Variants in HEMK1 observed in about 807,000 individuals in gnomAD.
The protein encoded by HEMK1 is MTRF1L release factor glutamine methyltransferase.
A neutral mutation model predicts 47.9 loss-of-function variants in HEMK1; 36 were observed. The ratio of observed to expected loss-of-function variants is 0.75; its 90% CI spans 0.58 to 0.99. The LOEUF is 0.99. HEMK1 is among the 50% of genes least tolerant of loss of function. The pLI is 0.00. For missense variants in HEMK1, 383 were observed against 434.5 expected (o/e 0.88, Z 1.05); for synonymous variants, 153 against 165.4 (o/e 0.93, Z 0.57).
At position 50,578,818 on chromosome 3, in the gene HEMK1, C is replaced by T; in HGVS notation, c.665-3C>T. On this transcript the variant is annotated splice_polypyrimidine_tract_variant and splice_region_variant and intron_variant, in intron 7 of 10. Coordinates refer to ENST00000232854, the MANE Select transcript of HEMK1 (RefSeq NM_016173.5). ...TACTGTGTGTCCTCTTCTTTGACGA[C>T]AGAAAGGAGCTGGACACACCTGCCC... The T allele has an allele frequency of 6.2e-7, 1 of 1,607,584 alleles. No individual in the cohort carries two copies. Among genetic ancestry groups the T allele is most frequent in the Non-Finnish European group, 8.5e-7 (1 of 1,175,192 alleles).
At chr3:50,576,463 G>A (rs927729487) in intron 4 of HEMK1, among the ~76,000 whole-genome samples, 1 of 152,186 alleles carries the variant, frequency 6.6e-6, no homozygotes, top group Admixed American at 6.5e-5. Context: ...GCAGTGGCGC[G>A]ATCCTGATCC....
rs1474707396 is a variant in HEMK1, at chr3:50,595,051, A to G, written c.*14634A>G. 6.6e-6 allele frequency: 1 copy of G among 152,008 alleles called. No homozygotes were observed. Among genetic ancestry groups the G allele is most frequent in the Non-Finnish European group, 1.5e-5 (1 of 68,032 alleles). 9.4% of individuals were successfully genotyped at this position (152,008 alleles called of 1,614,324 possible). A position where few individuals can be genotyped will look rare whatever the true frequency, so the allele number is the denominator to read the frequency against. ...AGTACTGGGACTACAGGTGCGCACC[A>G]CCACACCCAGCTATTTTGTATTTTT... On this transcript the variant is annotated 3_prime_UTR_variant, in exon 11 of 11. Coordinates refer to ENST00000232854, the MANE Select transcript of HEMK1 (RefSeq NM_016173.5).
intron 7 of HEMK1, 66 bp downstream of exon 7, chr3:50,577,941 C>A: frequency 6.9e-7 from 1 of 1,452,258 alleles, no homozygotes; most frequent in African/African-American, 1.4e-5. Flanking sequence ...GTGGATGAGG[C>A]ACTCCGTGGA....
intron 3 of HEMK1, 134 bp from the exon 4 acceptor site, chr3:50,571,981 T>C: frequency 2.1e-6 from 3 of 1,457,756 alleles, no homozygotes; most frequent in Non-Finnish European, 2.8e-6. Flanking sequence ...GGGAGGGTTT[T>C]GCCTCAGGAG....
intron 4 of HEMK1, 138 bp downstream of exon 4, chr3:50,572,346 TCTGA>T (rs1559454472): frequency 1.2e-6 from 1 of 845,352 alleles, no homozygotes; most frequent in Non-Finnish European, 1.8e-6. Flanking sequence ...GTATTTCCTC[TCTGA>T]CTGTGTTGGC....
chr3:50,588,413 G>A lies in HEMK1; in HGVS notation c.*7996G>A, dbSNP rs529287978. The A allele has an allele frequency of 2.0e-5, 3 of 152,234 alleles. No individual in the cohort carries two copies. The highest frequency in any genetic ancestry group is 2.0e-4 in the Admixed American group (3 of 15,288). The allele number at this position is 152,234 out of a possible 1,614,324, so 9.4% of individuals were successfully genotyped here. A position where few individuals can be genotyped will look rare whatever the true frequency, so the allele number is the denominator to read the frequency against. Reference sequence around the variant, plus strand: ...TCAGGAGAGGCGTGAGCAGGCTGCCGAGGCCAAATGCAGCCCAGGGCCTCA... The same window carrying A: ...TCAGGAGAGGCGTGAGCAGGCTGCCAAGGCCAAATGCAGCCCAGGGCCTCA... On this transcript the variant is annotated 3_prime_UTR_variant, in exon 11 of 11. Transcript: ENST00000232854.
intron 4 of HEMK1, among the ~76,000 whole-genome samples, chr3:50,575,149 G>A (rs1051481539): frequency 7.2e-5 from 11 of 152,136 alleles, no homozygotes; most frequent in Admixed American, 2.0e-4. Context: ...AGGGCCAGGC[G>A]CTGTGGCTTA....
In HEMK1 at chr3:50,589,559, A is replaced by G. The variant is rs1320286055; in HGVS notation, c.*9142A>G. On this transcript the variant is annotated 3_prime_UTR_variant, in exon 11 of 11. Transcript: ENST00000232854. ...GACAGCAGTGAGCTATAATAGCGCC[A>G]CTGCACTCCAGCCTGGACATCAGAG... is the stretch of plus-strand genomic sequence containing the variant. The G allele has an allele frequency of 1.3e-5, 2 of 152,110 alleles. No homozygotes were observed. Among genetic ancestry groups the G allele is most frequent in the African/African-American group, 4.8e-5 (2 of 41,388 alleles). The allele number at this position is 152,110 out of a possible 1,614,324, so 9.4% of individuals were successfully genotyped here.
Position 50,581,962 on chromosome 3 carries a change from C to T in HEMK1, c.*1545C>T, listed in dbSNP as rs1308247436. 1 of 152,362 alleles carries T rather than the reference C, an allele frequency of 6.6e-6. No homozygotes were observed. Among genetic ancestry groups the T allele is most frequent in the Non-Finnish European group, 1.5e-5 (1 of 68,146 alleles). 9.4% of individuals were successfully genotyped at this position (152,362 alleles called of 1,614,324 possible). A position where few individuals can be genotyped will look rare whatever the true frequency, so the allele number is the denominator to read the frequency against. Reference sequence around the variant, plus strand: ...GGGCGAAGGGGGTGCACAACCAGGGCAAGGCTCCCCACTTCCTTAGTCCCC... The same window carrying T: ...GGGCGAAGGGGGTGCACAACCAGGGTAAGGCTCCCCACTTCCTTAGTCCCC... On this transcript the variant is annotated 3_prime_UTR_variant, in exon 11 of 11. Coordinates refer to ENST00000232854, the MANE Select transcript of HEMK1 (RefSeq NM_016173.5).
chr3:50,571,544 T>A, intron 2 of HEMK1, 166 bp from the exon 3 acceptor site: 1 of 725,220 alleles, frequency 1.4e-6, no homozygotes, highest in Non-Finnish European at 2.4e-6. Context: ...CCTGGAAGCC[T>A]GGTGTTAGCT....
At position 50,581,440 on chromosome 3, in the gene HEMK1, G is replaced by C. The variant is rs535590443; in HGVS notation, c.*1023G>C. On this transcript the variant is annotated 3_prime_UTR_variant, in exon 11 of 11. Transcript: ENST00000232854. ...CCCTGGCACTTCCCAGGGCCTGGCAGTATGGTCTGATGGGCAGTATGGTCC... is the reference window on the plus strand; with the variant it reads ...CCCTGGCACTTCCCAGGGCCTGGCACTATGGTCTGATGGGCAGTATGGTCC... 1.3e-5 allele frequency: 2 copies of C among 152,404 alleles called. No individual in the cohort carries two copies. Among genetic ancestry groups the C allele is most frequent in the Admixed American group, 1.3e-4 (2 of 15,310 alleles). 9.4% of individuals were successfully genotyped at this position (152,404 alleles called of 1,614,324 possible).
rs553859081 is a variant in HEMK1 at position 50,587,649 on chromosome 3, G to C, written c.*7232G>C. ...TAGGGACAGTCTGGACAAAAGCCTGGAGTTCTGCAGACATGCGGGTAGGGA... is the reference window on the plus strand; with the variant it reads ...TAGGGACAGTCTGGACAAAAGCCTGCAGTTCTGCAGACATGCGGGTAGGGA... On this transcript the variant is annotated 3_prime_UTR_variant, in exon 11 of 11. Transcript: ENST00000232854. The surrounding 1 kb of genome is among the most constrained non-coding windows in gnomAD (Gnocchi z 4.2). 6.6e-6 allele frequency: 1 copy of C among 152,392 alleles called. No individual in the cohort carries two copies. Among genetic ancestry groups the C allele is most frequent in the East Asian group, 1.9e-4 (1 of 5,184 alleles). The allele number at this position is 152,392 out of a possible 1,614,324, so 9.4% of individuals were successfully genotyped here. A position where few individuals can be genotyped will look rare whatever the true frequency, so the allele number is the denominator to read the frequency against.
At chr3:50,572,277 G>T in intron 4 of HEMK1, 69 bp downstream of exon 4, 1 of 1,558,664 alleles carries the variant, frequency 6.4e-7, no homozygotes, top group East Asian at 2.4e-5. Flanking sequence ...TCTTACCCCA[G>T]GCTTCCTCCA....
Position 50,578,923 on chromosome 3 carries a change from G to T in HEMK1, c.767G>T (p.Arg256Leu), listed in dbSNP as rs761199170. 52 of 1,609,312 alleles carry T rather than the reference G, an allele frequency of 3.2e-5. No homozygotes were observed. Among genetic ancestry groups the T allele is most frequent in the Non-Finnish European group, 4.2e-5 (49 of 1,177,604 alleles). The change falls in exon 8 of 11, where the codon CGC becomes CTC. Residue 256 changes from arginine (R) to leucine (L), a missense_variant. By Grantham distance (102) the Arg-to-Leu change is moderately radical. Transcript: ENST00000232854. ...QDMEQLAPEI[R>L]SYEDPAALDG... is the part of the protein sequence containing the mutation. ...ATGGAGCAGCTGGCCCCTGAGATCCGCAGGTGCTAAGCAGGGTGGGCCAGG... is the reference window on the plus strand; with the variant it reads ...ATGGAGCAGCTGGCCCCTGAGATCCTCAGGTGCTAAGCAGGGTGGGCCAGG...
rs527435281 is a variant in HEMK1, at chr3:50,594,614, G to A, written c.*14197G>A. 1 of 152,462 alleles carries A rather than the reference G, an allele frequency of 6.6e-6. No homozygotes were observed. The highest frequency in any genetic ancestry group is 2.1e-4 in the South Asian group (1 of 4,824). 9.4% of individuals were successfully genotyped at this position (152,462 alleles called of 1,614,324 possible). A position where few individuals can be genotyped will look rare whatever the true frequency, so the allele number is the denominator to read the frequency against. On this transcript the variant is annotated 3_prime_UTR_variant, in exon 11 of 11. Coordinates refer to ENST00000232854, the MANE Select transcript of HEMK1 (RefSeq NM_016173.5). ...GAGCTGAGGTTTTCTCTGCTGCAGA[G>A]GCCAGGTGGGTAAGTAACCAAAAGT...
chr3:50,571,965 G>C, intron 3 of HEMK1, 150 bp from the exon 4 acceptor site: 3 of 1,301,702 alleles, frequency 2.3e-6, no homozygotes, highest in Non-Finnish European at 3.2e-6. Flanking sequence ...AGGAAGAAGG[G>C]AGGGAGGGAG....
Position 50,571,184 on chromosome 3 carries a change from G to C in HEMK1, c.80G>C (p.Ser27Thr). The C allele has an allele frequency of 6.2e-7, 1 of 1,613,832 alleles. No individual in the cohort carries two copies. Among genetic ancestry groups the C allele is most frequent in the South Asian group, 1.1e-5 (1 of 91,048 alleles). The change falls in exon 2 of 11, where the codon AGC becomes ACC. Residue 27 changes from serine (S) to threonine (T), a missense_variant. By Grantham distance (58) the Ser-to-Thr change is moderately conservative. Coordinates refer to ENST00000232854, the MANE Select transcript of HEMK1 (RefSeq NM_016173.5). ...GGAAGTACCCGGGGCTGGGCCTTCAGCTCATGGCAACCCCAACCACCTCTG... is the reference window on the plus strand; with the variant it reads ...GGAAGTACCCGGGGCTGGGCCTTCACCTCATGGCAACCCCAACCACCTCTG... ...RRGSTRGWAF[S>T]SWQPQPPLAG...
intron 2 of HEMK1, 57 bp from the exon 3 acceptor site, chr3:50,571,653 C>A: frequency 6.6e-7 from 1 of 1,509,336 alleles, no homozygotes; most frequent in Non-Finnish European, 9.2e-7. Context: ...CATAAGACAC[C>A]TGGGTTGGGG....
intron 9 of HEMK1, 23 bp downstream of exon 9, chr3:50,579,962 AG>A (rs1030990345): frequency 1.9e-6 from 3 of 1,596,300 alleles, no homozygotes; most frequent in Admixed American, 3.3e-5. Context: ...TGGGTCTCCT[AG>A]GTCTGTCCCC....
Sources: allele counts gnomAD v4.1 joint callset (sites outside exome capture counted in the v4.1 genomes callset), GRCh38; gene constraint gnomAD v4.1.1; non-coding constraint Gnocchi (gnomAD v3.1); transcripts MANE v1.5; gene names NCBI Gene and HGNC (gene_info 2026-07-23, HGNC 2026-07-21).